PCSK9: variants seen among roughly 807,000 people sequenced by gnomAD.
The protein encoded by PCSK9 is proprotein convertase subtilisin/kexin type 9, also known as convertase subtilisin/kexin type 9 preproprotein.
PCSK9 carries 57 observed loss-of-function variants against 62.1 expected under a neutral mutation model. The ratio of observed to expected loss-of-function variants is 0.92; its 90% CI spans 0.74 to 1.14. The LOEUF (loss-of-function observed/expected upper bound fraction) is 1.14, where lower values mean the gene tolerates loss of function less well. Ranked by LOEUF, PCSK9 falls within the 50% of genes most tolerant of loss-of-function variation. The pLI is 0.00. For synonymous variants in PCSK9, 387 were observed against 409.4 expected, an observed-to-expected ratio of 0.95 and a Z score of 0.66; for missense variants, 870 against 959.8, an observed-to-expected ratio of 0.91 and a Z score of 1.24.
chr1:55,045,388 A>C (rs1644626338), intron 2 of PCSK9, among the ~76,000 whole-genome samples: 1 of 152,164 alleles, frequency 6.6e-6, no homozygotes, highest in Non-Finnish European at 1.5e-5. Flanking sequence ...TAAACCAGTT[A>C]TAATAATTGG....
In PCSK9 at chr1:55,063,758, G is replaced by A. The variant is rs1428146812; in HGVS notation, c.*174G>A. 3 of 749,320 alleles carry A rather than the reference G, an allele frequency of 4.0e-6. No homozygotes were observed. The East Asian group carries it at 8.2e-5, about 20-fold the overall frequency. The allele number at this position is 749,320 out of a possible 1,614,324, so 46.4% of individuals were successfully genotyped here. A position where few individuals can be genotyped will look rare whatever the true frequency, so the allele number is the denominator to read the frequency against. ...CTTGAGTGGGGCAGCCTCCTTGCCT[G>A]GAACTCACTCACTCTGGGTGCCTCC... is the stretch of plus-strand genomic sequence containing the variant. On this transcript the variant is annotated 3_prime_UTR_variant, in exon 12 of 12. Transcript: ENST00000302118.
intron 3 of PCSK9, 140 bp from the exon 4 acceptor site, chr1:55,052,138 A>AT (rs1050603197): frequency 2.3e-5 from 27 of 1,194,354 alleles, no homozygotes; most frequent in Middle Eastern, 2.4e-4. Context: ...GTGTGTGAGG[A>AT]TTTTTTGGAG....
At chr1:55,055,247 CTCTGTT>C (rs1193470253) in intron 5 of PCSK9, among the ~76,000 whole-genome samples, 1 of 152,146 alleles carries the variant, frequency 6.6e-6, no homozygotes. Flanking sequence ...GCAGCCAAGA[CTCTGTT>C]CAAGTTTGTG....
At chr1:55,055,923 C>G in intron 5 of PCSK9, 70 bp from the exon 6 acceptor site, 1 of 1,434,298 alleles carries the variant, frequency 7.0e-7, no homozygotes, top group Non-Finnish European at 9.5e-7. Flanking sequence ...TCACTCTGTG[C>G]CTGTAAGGGA....
chr1:55,052,803 C>T lies in PCSK9; in HGVS notation c.799+12C>T. On this transcript the variant is annotated intron_variant, in intron 5 of 11. Coordinates refer to ENST00000302118, the MANE Select transcript of PCSK9 (RefSeq NM_174936.4). ...CGGCACCCTCATAGGTAAGTGATGG[C>T]CCCAGACGCTGGTCTCTCTCCATCT... 6.2e-7 allele frequency: 1 copy of T among 1,612,896 alleles called. No homozygotes were observed. The highest frequency in any genetic ancestry group is 8.5e-7 in the Non-Finnish European group (1 of 1,179,870).
intron 3 of PCSK9, among the ~76,000 whole-genome samples, chr1:55,047,158 C>A (rs963316525): frequency 2.6e-5 from 4 of 152,218 alleles, no homozygotes; most frequent in African/African-American, 9.6e-5. Flanking sequence ...CTAGGCCTTT[C>A]TTTCCACTGT....
intron 9 of PCSK9, among the ~76,000 whole-genome samples, chr1:55,059,194 C>T (rs1351442795): frequency 1.3e-5 from 2 of 152,164 alleles, no homozygotes; most frequent in Non-Finnish European, 2.9e-5. Context: ...GTGTGAGAGG[C>T]AGAGTGGGTG....
chr1:55,051,551 C>T (rs546489528), intron 3 of PCSK9: 8 of 287,264 alleles, frequency 2.8e-5, no homozygotes, highest in Non-Finnish European at 4.7e-5. Flanking sequence ...TTCTCCTATA[C>T]CCTAACCTTT....
intron 3 of PCSK9, chr1:55,051,945 T>C: frequency 2.6e-6 from 1 of 386,260 alleles, no homozygotes; most frequent in Non-Finnish European, 4.9e-6. Flanking sequence ...GGCTTTATTT[T>C]ACACTTTGAT....
chr1:55,053,070 T>C (rs1644688010), intron 5 of PCSK9, among the ~76,000 whole-genome samples: 1 of 152,174 alleles, frequency 6.6e-6, no homozygotes, highest in Non-Finnish European at 1.5e-5. Flanking sequence ...CTGCTCCCCT[T>C]TTAAAATCCG....
intron 5 of PCSK9, among the ~76,000 whole-genome samples, chr1:55,053,463 C>T (rs751899516): frequency 1.2e-4 from 19 of 152,170 alleles, no homozygotes; most frequent in Non-Finnish European, 2.6e-4. Flanking sequence ...AAATAGTTGA[C>T]GAAACCAGTC....
rs1378159870 is a variant in PCSK9, at chr1:55,058,548, A to G, written c.1404A>G (p.Thr468=). ...RTVWSAHSGP[T]RMATAVARCA... Reference sequence around the variant, plus strand: ...TATGGTCAGCACACTCGGGGCCTACACGGATGGCCACAGCCGTCGCCCGCT... The same window carrying G: ...TATGGTCAGCACACTCGGGGCCTACGCGGATGGCCACAGCCGTCGCCCGCT... Residue 468 remains threonine (T), a synonymous_variant, in exon 9 of 12, where the codon ACA becomes ACG. Transcript: ENST00000302118. The G allele has an allele frequency of 1.9e-6, 3 of 1,612,158 alleles. No individual in the cohort carries two copies. The highest frequency in any genetic ancestry group is 1.1e-5 in the South Asian group (1 of 91,004).
At chr1:55,046,943 AG>A (rs1385842012) in intron 3 of PCSK9, among the ~76,000 whole-genome samples, 2 of 151,982 alleles carry the variant, frequency 1.3e-5, no homozygotes, top group Admixed American at 1.3e-4. Flanking sequence ...CCTTGGAAGG[AG>A]GGTTCATCTG....
At chr1:55,047,690 C>A (rs1192931086) in intron 3 of PCSK9, among the ~76,000 whole-genome samples, 1 of 152,200 alleles carries the variant, frequency 6.6e-6, no homozygotes, top group Admixed American at 6.5e-5. Flanking sequence ...TGCAACAGAT[C>A]AGAGCTGGTG....
intron 4 of PCSK9, 100 bp downstream of exon 4, chr1:55,052,511 G>T: frequency 6.4e-7 from 1 of 1,553,118 alleles, no homozygotes; most frequent in Non-Finnish European, 8.7e-7. Context: ...TGTACTCCTG[G>T]GTTGCACCCC....
At chr1:55,049,235 G>T (rs557324685) in intron 3 of PCSK9, among the ~76,000 whole-genome samples, 2 of 152,356 alleles carry the variant, frequency 1.3e-5, no homozygotes, top group African/African-American at 4.8e-5. Context: ...AATGAACGTG[G>T]ATTGAAGCTG....
intron 11 of PCSK9, 27 bp downstream of exon 11, chr1:55,061,583 G>C (rs775730362): frequency 6.4e-7 from 1 of 1,568,132 alleles, no homozygotes. Flanking sequence ...GGCCGGGTGG[G>C]TGGGGTGCTG....
chr1:55,057,316 T>C lies in PCSK9; in HGVS notation c.997-15T>C. On this transcript the variant is annotated splice_polypyrimidine_tract_variant and intron_variant, in intron 6 of 11. Coordinates refer to ENST00000302118, the MANE Select transcript of PCSK9 (RefSeq NM_174936.4). ...TGGGCTCCTTTCTCTGCCACCCACC[T>C]CCTCACCTTTCCAGGTCATCACAGT... 6.2e-7 allele frequency: 1 copy of C among 1,612,474 alleles called. No individual in the cohort carries two copies. The highest frequency in any genetic ancestry group is 8.5e-7 in the Non-Finnish European group (1 of 1,178,746).
intron 1 of PCSK9, among the ~76,000 whole-genome samples, chr1:55,041,765 C>T (rs1280717130): frequency 2.0e-5 from 3 of 152,174 alleles, no homozygotes; most frequent in Admixed American, 6.5e-5. Flanking sequence ...ACAGAGTACT[C>T]TCCCAATTCA....
Sources: allele counts gnomAD v4.1 joint callset (sites outside exome capture counted in the v4.1 genomes callset), GRCh38; gene constraint gnomAD v4.1.1; transcripts MANE v1.5; gene names NCBI Gene and HGNC (gene_info 2026-07-23, HGNC 2026-07-21).